The following TMEM232 variants were observed in gnomAD, a reference collection of about 807,000 sequenced individuals.
The protein encoded by TMEM232 is transmembrane protein 232.
In TMEM232, 80 loss-of-function variants were observed where a neutral mutation model predicts 78.8. The observed-to-expected ratio is 1.01, with a 90% CI of 0.85 to 1.22. The LOEUF is 1.22. TMEM232 is among the 50% of genes most tolerant of loss of function. The pLI is 0.00. For missense variants in TMEM232, 881 were observed against 742.2 expected, an observed-to-expected ratio of 1.19 and a Z score of -2.17; for synonymous variants, 297 against 254.3, an observed-to-expected ratio of 1.17 and a Z score of -1.60.
chr5:110,566,119 T>C (rs2149676405), intron 11 of TMEM232, among the ~76,000 whole-genome samples: 1 of 152,102 alleles, frequency 6.6e-6, no homozygotes, highest in South Asian at 2.1e-4. Context: ...GTATTATTTT[T>C]ATTTTACCCA....
chr5:110,525,010 A>C (rs1035885537), intron 12 of TMEM232, among the ~76,000 whole-genome samples: 4 of 152,024 alleles, frequency 2.6e-5, no homozygotes, highest in Non-Finnish European at 2.9e-5. Context: ...CCATATCTTC[A>C]ATTTTAGCCT....
Position 110,622,825 on chromosome 5 carries a change from C to T in TMEM232, c.768+2442G>A, listed in dbSNP as rs1213960382. On this transcript the variant is annotated intron_variant, in intron 7 of 13. Coordinates refer to ENST00000455884, the MANE Select transcript of TMEM232 (RefSeq NM_001039763.4). ...CATGGACACAGGAAGGGGAACATCA[C>T]ACTCTGGGGAATGTTGTGGGGTGTG... Among the ~76,000 whole-genome samples the T allele has an allele frequency of 6.3e-5, 9 of 143,394 alleles. No homozygotes were observed. The Admixed American group carries it at 6.5e-4, about 10-fold the overall frequency. 94.1% of individuals were successfully genotyped at this position (143,394 alleles called of 152,430 possible). A position where few individuals can be genotyped will look rare whatever the true frequency, so the allele number is the denominator to read the frequency against.
At chr5:110,608,977 C>G (rs1352490148) in intron 8 of TMEM232, among the ~76,000 whole-genome samples, 3 of 151,982 alleles carry the variant, frequency 2.0e-5, no homozygotes, top group African/African-American at 7.2e-5. Context: ...AATAAAGAAA[C>G]TGAGCCAGAG....
At chr5:110,621,789 G>A (rs937840436) in intron 7 of TMEM232, among the ~76,000 whole-genome samples, 6 of 148,176 alleles carry the variant, frequency 4.0e-5, no homozygotes, top group Non-Finnish European at 5.9e-5. Flanking sequence ...CAGTTCTTTC[G>A]TCTCCCTCCC....
At chr5:110,666,728 G>A (rs10900663) in intron 2 of TMEM232, 14,322 of 151,814 alleles carry the variant, frequency 0.094, 803 homozygotes, top group South Asian at 0.2. Flanking sequence ...TTTACAATAT[G>A]GATCACTATG....
chr5:110,561,884 A>C (rs1243078689), intron 11 of TMEM232, among the ~76,000 whole-genome samples: 1 of 152,120 alleles, frequency 6.6e-6, no homozygotes, highest in Non-Finnish European at 1.5e-5. Context: ...TTCCAAGAGA[A>C]TAAGAGAGGG....
chr5:110,671,327 G>A (rs1240608908), intron 1 of TMEM232, among the ~76,000 whole-genome samples: 3 of 152,174 alleles, frequency 2.0e-5, no homozygotes, highest in Non-Finnish European at 4.4e-5. Context: ...AACCATTGTG[G>A]AAGACAGTGT....
chr5:110,461,465 T>TAAC (rs915260848), intron 12 of TMEM232, among the ~76,000 whole-genome samples: 1 of 152,124 alleles, frequency 6.6e-6, no homozygotes, highest in African/African-American at 2.4e-5. Flanking sequence ...TCCTATATCA[T>TAAC]AACAGTGCAA....
intron 10 of TMEM232, among the ~76,000 whole-genome samples, chr5:110,589,195 A>G (rs1047868048): frequency 2.0e-5 from 3 of 152,084 alleles, no homozygotes; most frequent in African/African-American, 7.2e-5. Context: ...TAAGAAAAAT[A>G]TTTTCTTCTG....
At chr5:110,713,435 G>T (rs969524233) in intron 1 of TMEM232, among the ~76,000 whole-genome samples, 1 of 151,914 alleles carries the variant, frequency 6.6e-6, no homozygotes. Context: ...AAGTATAAAT[G>T]CTGAGGAGAT....
intron 5 of TMEM232, among the ~76,000 whole-genome samples, chr5:110,629,782 C>T (rs1784885925): frequency 6.6e-6 from 1 of 152,030 alleles, no homozygotes; most frequent in Non-Finnish European, 1.5e-5. Flanking sequence ...GCATATGTTT[C>T]TATCTAATAC....
intron 2 of TMEM232, among the ~76,000 whole-genome samples, chr5:110,405,686 C>T (rs1755764098): frequency 6.8e-6 from 1 of 146,924 alleles, no homozygotes; most frequent in Admixed American, 6.8e-5. Context: ...ATTCAATGAA[C>T]TCAAAGATGG....
At chr5:110,554,784 G>C (rs559754738) in intron 11 of TMEM232, among the ~76,000 whole-genome samples, 3 of 152,140 alleles carry the variant, frequency 2.0e-5, no homozygotes, top group South Asian at 4.2e-4. Context: ...AATCCATCTG[G>C]TCTAAGGCTT....
In TMEM232 at chr5:110,659,031, G is replaced by A. The variant is rs143644079; in HGVS notation, c.125+8197C>T. Among the ~76,000 whole-genome samples the A allele has an allele frequency of 1.5e-3, 226 of 152,138 alleles. 4 individuals are homozygous for A. In the East Asian group the frequency reaches 0.031, roughly 21 times the overall value. On this transcript the variant is annotated intron_variant, in intron 2 of 13. Transcript: ENST00000455884. ...GTAAGGGCAACAATACCTCAAAAAA[G>A]GAAATGGAATAGAACCCTCAACATG...
intron 10 of TMEM232, among the ~76,000 whole-genome samples, chr5:110,604,739 CT>C (rs1235949103): frequency 1.3e-5 from 2 of 152,122 alleles, no homozygotes; most frequent in African/African-American, 4.8e-5. Context: ...TGGTGGATCA[CT>C]TGAGGTCAGG....
At chr5:110,536,121 C>G (rs540269884) in intron 11 of TMEM232, among the ~76,000 whole-genome samples, 90 of 152,190 alleles carry the variant, frequency 5.9e-4, no homozygotes, top group South Asian at 3.8e-3. Flanking sequence ...CTCTCTTTTT[C>G]TGTCTTTTCC....
chr5:110,637,044 A>T (rs1257778889), intron 5 of TMEM232, among the ~76,000 whole-genome samples: 2 of 151,606 alleles, frequency 1.3e-5, no homozygotes, highest in African/African-American at 2.4e-5. Flanking sequence ...GACTTGCTCC[A>T]TGTTTTTCTA....
At chr5:110,703,835 T>C (rs1226883593) in intron 1 of TMEM232, among the ~76,000 whole-genome samples, 2 of 152,076 alleles carry the variant, frequency 1.3e-5, no homozygotes, top group African/African-American at 4.8e-5. Context: ...ATTGGTGGAA[T>C]GAACAAACAG....
intron 11 of TMEM232, among the ~76,000 whole-genome samples, chr5:110,556,226 C>A (rs917253833): frequency 1.3e-5 from 2 of 152,116 alleles, no homozygotes; most frequent in African/African-American, 4.8e-5. Context: ...GATTTTATTT[C>A]TCCTTCACTT....
Sources: gnomAD v4.1 joint callset for allele counts (sites outside exome capture counted in the v4.1 genomes callset) on GRCh38, gnomAD v4.1.1 for gene constraint, MANE v1.5 for transcripts, NCBI Gene and HGNC (gene_info 2026-07-23, HGNC 2026-07-21) for gene names.